Variants in OR3A2 observed in about 807,000 individuals in gnomAD.
OR3A2 encodes the protein olfactory receptor family 3 subfamily A member 2.
For missense variants in OR3A2, 318 were observed against 392.8 expected (o/e 0.81, Z 1.61); for synonymous variants, 126 against 159.3 (o/e 0.79, Z 1.57).
At chr17:3,309,053 C>G (rs2049019879) in intron 3 of OR3A2, among the ~76,000 whole-genome samples, 1 of 152,048 alleles carries the variant, frequency 6.6e-6, no homozygotes, top group Admixed American at 6.5e-5. Context: ...TTACAGGCAC[C>G]TGCAACCACA....
chr17:3,342,941 C>T (rs1376232852), intron 2 of OR3A2, among the ~76,000 whole-genome samples: 1 of 152,174 alleles, frequency 6.6e-6, no homozygotes, highest in Non-Finnish European at 1.5e-5. Context: ...GCTGTGTTTA[C>T]CTACTCTAGC....
rs899965786 is a variant in OR3A2, at chr17:3,376,495, A to C, written c.-179+7309T>G. 2.0e-5 allele frequency among the ~76,000 whole-genome samples: 3 copies of C among 152,170 alleles called. No homozygotes were observed. In the East Asian group the frequency reaches 5.8e-4, roughly 29 times the overall value. ...GTGGGGGACGGAAGGGGTGGTTCTCAGACCACTGGAGTTATGTTCCCAGGG... is the reference window on the plus strand; with the variant it reads ...GTGGGGGACGGAAGGGGTGGTTCTCCGACCACTGGAGTTATGTTCCCAGGG... On this transcript the variant is annotated intron_variant, in intron 2 of 4. Coordinates refer to the OR3A2 transcript ENST00000573491.
Position 3,292,356 on chromosome 17 carries a change from C to T in OR3A2, c.-84-13203G>A, listed in dbSNP as rs867670908. The T allele has an allele frequency of 3.7e-6, 6 of 1,614,004 alleles. 1 individual carries two copies. The highest frequency in any genetic ancestry group is 3.3e-5 in the South Asian group (3 of 91,076). ...CATTGATGGAACAGTGACGCTGATG[C>T]ACCCAACATCCAGCACTGATAGGTT... is the stretch of plus-strand genomic sequence containing the variant. On this transcript the variant is annotated intron_variant, in intron 3 of 4. Transcript: ENST00000573491.
intron 2 of OR3A2, among the ~76,000 whole-genome samples, chr17:3,346,822 C>T (rs2049367883): frequency 6.6e-6 from 1 of 152,124 alleles, no homozygotes; most frequent in Non-Finnish European, 1.5e-5. Context: ...CTTATTCACT[C>T]AATATAAGGA....
rs779109429 is a variant in OR3A2, at chr17:3,332,052, TGAG to T, written c.-85+3978_-85+3980del. ...GGGGGTCAGGGGTCAGGGACCCACTTGAGGAGGCAGTCTGCCCATTCTCAGATC... is the reference window on the plus strand; with the variant it reads ...GGGGGTCAGGGGTCAGGGACCCACTTGAGGCAGTCTGCCCATTCTCAGATC... On this transcript the variant is annotated intron_variant, in intron 3 of 4. Transcript: ENST00000573491. Among the ~76,000 whole-genome samples, 48 of 152,212 alleles carry T rather than the reference TGAG, an allele frequency of 3.2e-4. No homozygotes were observed. The East Asian group carries it at 7.7e-3, about 24-fold the overall frequency.
chr17:3,331,872 G>A (rs899387129), intron 3 of OR3A2, among the ~76,000 whole-genome samples: 1 of 150,704 alleles, frequency 6.6e-6, no homozygotes, highest in Non-Finnish European at 1.5e-5. Flanking sequence ...TTTGATGATG[G>A]TGATGTACAG....
Position 3,354,919 on chromosome 17 carries a change from T to G in OR3A2, c.-178-18793A>C, listed in dbSNP as rs184412154. Among the ~76,000 whole-genome samples the G allele has an allele frequency of 3.2e-4, 48 of 151,482 alleles. No individual in the cohort carries two copies. The East Asian group carries it at 7.7e-3, about 24-fold the overall frequency. On this transcript the variant is annotated intron_variant, in intron 2 of 4. Coordinates refer to the OR3A2 transcript ENST00000573491. Reference sequence around the variant, plus strand: ...TACCTATAAATTTCCCTCTTAGTATTGCTTTTGCTCTATCCCATAGGTTTT... The same window carrying G: ...TACCTATAAATTTCCCTCTTAGTATGGCTTTTGCTCTATCCCATAGGTTTT...
intron 3 of OR3A2, among the ~76,000 whole-genome samples, chr17:3,317,760 C>T (rs532347731): frequency 1.2e-4 from 19 of 152,036 alleles, no homozygotes; most frequent in East Asian, 1.2e-3. Context: ...AAGGAGTTAC[C>T]CTATTTCGAG....
intron 3 of OR3A2, among the ~76,000 whole-genome samples, chr17:3,320,435 A>G (rs969403300): frequency 5.1e-5 from 7 of 137,202 alleles, no homozygotes; most frequent in East Asian, 2.1e-4. Context: ...TTGGTGTTTT[A>G]GACATGAAGT....
intron 2 of OR3A2, among the ~76,000 whole-genome samples, chr17:3,376,669 C>T (rs1449674739): frequency 6.6e-6 from 1 of 152,180 alleles, no homozygotes; most frequent in Non-Finnish European, 1.5e-5. Context: ...TATGTCCAGG[C>T]AGCAGGGCTG....
intron 2 of OR3A2, among the ~76,000 whole-genome samples, chr17:3,340,085 G>A (rs543242007): frequency 8.1e-4 from 124 of 152,162 alleles, no homozygotes; most frequent in Non-Finnish European, 1.2e-3. Context: ...ATTCTCTGAT[G>A]GTGGTTTGTA....
intron 2 of OR3A2, among the ~76,000 whole-genome samples, chr17:3,340,740 G>C (rs2049309744): frequency 1.9e-4 from 1 of 5,166 alleles, no homozygotes; most frequent in Non-Finnish European, 3.3e-4. Context: ...TGTATATTCT[G>C]TTGACTTGGG....
intron 2 of OR3A2, among the ~76,000 whole-genome samples, chr17:3,348,822 C>T (rs897804901): frequency 6.6e-6 from 1 of 152,200 alleles, no homozygotes; most frequent in Admixed American, 6.5e-5. Flanking sequence ...ATCAGATTAA[C>T]AGCAGATCTC....
intron 1 of OR3A2, among the ~76,000 whole-genome samples, chr17:3,280,882 G>A (rs866939280): frequency 2.6e-5 from 4 of 152,312 alleles, no homozygotes; most frequent in Middle Eastern, 3.4e-3. Context: ...CATAAAAGTG[G>A]GAATTGAGTG....
intron 2 of OR3A2, among the ~76,000 whole-genome samples, chr17:3,348,768 G>C (rs566004247): frequency 6.0e-4 from 91 of 152,218 alleles, no homozygotes; most frequent in Non-Finnish European, 9.7e-4. Context: ...AAAATGTTAA[G>C]GGCAGCCAGA....
chr17:3,342,410 A>G (rs1365734715), intron 2 of OR3A2, among the ~76,000 whole-genome samples: 2 of 151,926 alleles, frequency 1.3e-5, no homozygotes, highest in African/African-American at 4.8e-5. Flanking sequence ...GGTTTTATCT[A>G]CCTCTGGTCT....
chr17:3,292,718 T>C, intron 3 of OR3A2: 1 of 716,888 alleles, frequency 1.4e-6, no homozygotes, highest in Non-Finnish European at 2.3e-6. Flanking sequence ...TAAGGAATTT[T>C]GCGCTCCTTA....
chr17:3,307,349 A>T (rs1169966427), intron 3 of OR3A2, among the ~76,000 whole-genome samples: 1 of 152,204 alleles, frequency 6.6e-6, no homozygotes, highest in Non-Finnish European at 1.5e-5. Context: ...TCTTACAAGG[A>T]CAGCTGTCAA....
upstream of OR3A2, among the ~76,000 whole-genome samples, chr17:3,286,326 T>C (rs899108331): frequency 1.3e-5 from 2 of 152,216 alleles, no homozygotes; most frequent in East Asian, 1.9e-4. Context: ...TGATGGGCAT[T>C]TGGCTTGGTT....
Sources: gnomAD v4.1 joint callset for allele counts (sites outside exome capture counted in the v4.1 genomes callset) on GRCh38, gnomAD v4.1.1 for gene constraint, MANE v1.5 for transcripts, NCBI Gene and HGNC (gene_info 2026-07-23, HGNC 2026-07-21) for gene names.